Variants in PDXK observed in about 807,000 individuals in gnomAD.
PDXK encodes the protein epididymis secretory sperm binding protein Li 1a.
A neutral mutation model predicts 43.2 loss-of-function variants in PDXK; 15 were observed. That is an observed-to-expected ratio of 0.35 (90% CI 0.23 to 0.53). The LOEUF is 0.53. Among genes scored for constraint, PDXK ranks in the 20% least tolerant of loss-of-function variants. The pLI is 0.92. For synonymous variants in PDXK, 172 were observed against 165.4 expected, an observed-to-expected ratio of 1.04 and a Z score of -0.31; for missense variants, 343 against 417.0, an observed-to-expected ratio of 0.82 and a Z score of 1.54.
chr21:43,732,615 C>T lies in PDXK; in HGVS notation c.88-1454C>T. On this transcript the variant is annotated intron_variant, in intron 1 of 10. Transcript: ENST00000291565. This position sits in a 1 kb window ranked among gnomAD's most constrained non-coding sequence, Gnocchi z 4.1. Reference sequence around the variant, plus strand: ...TTGGCAGGATTTTCAGGATTTGTGTCATCGTTGCTTAATATCTGTTTCTTC... The same window carrying T: ...TTGGCAGGATTTTCAGGATTTGTGTTATCGTTGCTTAATATCTGTTTCTTC... 1 of 791,704 alleles carries T rather than the reference C, an allele frequency of 1.3e-6. No individual in the cohort carries two copies. The highest frequency in any genetic ancestry group is 2.3e-6 in the Non-Finnish European group (1 of 428,996). The allele number at this position is 791,704 out of a possible 1,614,324, so 49.0% of individuals were successfully genotyped here. A position where few individuals can be genotyped will look rare whatever the true frequency, so the allele number is the denominator to read the frequency against.
intron 7 of PDXK, among the ~76,000 whole-genome samples, chr21:43,750,837 CGTGTGTGTGTGCACATGTGCAT>C (rs1426554427): frequency 1.4e-5 from 2 of 146,060 alleles, no homozygotes; most frequent in African/African-American, 2.5e-5. Flanking sequence ...CATGTGTGCA[CGTGTGTGTGTGCACATGTGCAT>C]GTGCGTCTGT....
chr21:43,747,663 TGACCCTCGGCA>T (rs1019334805), intron 5 of PDXK, among the ~76,000 whole-genome samples: 26 of 152,356 alleles, frequency 1.7e-4, no homozygotes, highest in African/African-American at 5.5e-4. Context: ...TGGGCTCTGC[TGACCCTCGGCA>T]GACACTTGCG....
rs2083328896 is a variant in PDXK at position 43,732,297 on chromosome 21, GCTC to G, written c.88-1770_88-1768del. On this transcript the variant is annotated intron_variant, in intron 1 of 10. Transcript: ENST00000291565. This position sits in a 1 kb window ranked among gnomAD's most constrained non-coding sequence, Gnocchi z 4.1. ...GAGATACCTTTCTCTGGGGTCCCAG[GCTC>G]CCGTCCTGGACCTTGGCACCCCGCC... 2 of 1,577,852 alleles carry G rather than the reference GCTC, an allele frequency of 1.3e-6. No individual in the cohort carries two copies. Among genetic ancestry groups the G allele is most frequent in the Non-Finnish European group, 1.7e-6 (2 of 1,162,140 alleles).
In PDXK at chr21:43,737,592, C is replaced by T; in HGVS notation, c.142+3469C>T. The T allele has an allele frequency of 4.0e-6, 4 of 991,336 alleles. No homozygotes were observed. Among genetic ancestry groups the T allele is most frequent in the Non-Finnish European group, 3.6e-6 (3 of 833,384 alleles). 61.4% of individuals were successfully genotyped at this position (991,336 alleles called of 1,614,324 possible). On this transcript the variant is annotated intron_variant, in intron 2 of 10. Transcript: ENST00000291565. This position sits in a 1 kb window ranked among gnomAD's most constrained non-coding sequence, Gnocchi z 4.8. The stretch of plus-strand genomic sequence containing the variant: ...AGGGGATGGGACAGGTGCCCTGCTG[C>T]TGGGCTTGGTGGTCCCTGCTGCAGG...
At position 43,732,525 on chromosome 21, in the gene PDXK, G is replaced by T. The variant is rs758952228; in HGVS notation, c.88-1544G>T. On this transcript the variant is annotated intron_variant, in intron 1 of 10. Coordinates refer to ENST00000291565, the MANE Select transcript of PDXK (RefSeq NM_003681.5). The surrounding 1 kb of genome is among the most constrained non-coding windows in gnomAD (Gnocchi z 4.1). ...AGCAGAAAATAGCGACTTCATTCTC[G>T]GATACGTTTGCCAGCCCCAAAGGAT... 3.2e-6 allele frequency: 4 copies of T among 1,236,574 alleles called. No individual in the cohort carries two copies. Among genetic ancestry groups the T allele is most frequent in the Non-Finnish European group, 4.8e-6 (4 of 836,054 alleles). 76.6% of individuals were successfully genotyped at this position (1,236,574 alleles called of 1,614,324 possible).
At chr21:43,719,442 C>A in intron 1 of PDXK, 61 bp downstream of exon 1, 1 of 1,446,244 alleles carries the variant, frequency 6.9e-7, no homozygotes, top group Non-Finnish European at 9.3e-7. Flanking sequence ...GGCGGGGCTG[C>A]CCGAGACGAG....
rs1386410242 is a variant in PDXK, at chr21:43,760,041, CAG to C, written c.*3979_*3980del. On this transcript the variant is annotated 3_prime_UTR_variant, in exon 11 of 11. Transcript: ENST00000291565. ...CCGTCCCCACTCCGGACTCCCAGCA[CAG>C]GGGAGGATACCTGAGCCTGTATGGC... 1.4e-5 allele frequency: 2 copies of C among 145,084 alleles called. No homozygotes were observed. The highest frequency in any genetic ancestry group is 1.9e-4 in the East Asian group (1 of 5,184). The allele number at this position is 145,084 out of a possible 1,614,324, so 9.0% of individuals were successfully genotyped here.
At chr21:43,739,904 A>G (rs931800529) in intron 2 of PDXK, among the ~76,000 whole-genome samples, 1 of 150,918 alleles carries the variant, frequency 6.6e-6, no homozygotes, top group Non-Finnish European at 1.5e-5. Context: ...CTTACCCCAA[A>G]CCCCGCCCCA....
chr21:43,724,600 AGGAGGCCGAGATGG>A (rs2083235486), intron 1 of PDXK, among the ~76,000 whole-genome samples: 1 of 150,906 alleles, frequency 6.6e-6, no homozygotes, highest in African/African-American at 2.5e-5. Context: ...CCAGTACTTT[AGGAGGCCGAGATGG>A]GGGGATCACT....
intron 5 of PDXK, 94 bp from the exon 6 acceptor site, chr21:43,748,901 G>C: frequency 2.7e-6 from 2 of 741,788 alleles, no homozygotes; most frequent in East Asian, 5.0e-5. Flanking sequence ...GGGGGCTTTT[G>C]GGGGAGCACT....
At chr21:43,741,895 C>T (rs2083540403) in intron 3 of PDXK, 124 bp downstream of exon 3, 1 of 685,486 alleles carries the variant, frequency 1.5e-6, no homozygotes, top group Non-Finnish European at 2.6e-6. Flanking sequence ...CAAGGAGGGC[C>T]TTGGCGTGCC....
At position 43,748,904 on chromosome 21, in the gene PDXK, G is replaced by A. The variant is rs1462526503; in HGVS notation, c.379-91G>A. 1.5e-5 allele frequency: 11 copies of A among 758,306 alleles called. No individual in the cohort carries two copies. In the East Asian group the frequency reaches 2.5e-4, roughly 17 times the overall value. 47.0% of individuals were successfully genotyped at this position (758,306 alleles called of 1,614,324 possible). ...GCCTGGACTTCAGGGGGCTTTTGGG[G>A]GAGCACTCCGTGGTGGGCTTCCCTC... On this transcript the variant is annotated intron_variant, in intron 5 of 10. Transcript: ENST00000291565.
Position 43,732,158 on chromosome 21 carries a change from G to C in PDXK, c.88-1911G>C, listed in dbSNP as rs375297628. 59 of 1,395,276 alleles carry C rather than the reference G, an allele frequency of 4.2e-5. No individual in the cohort carries two copies. In the East Asian group the frequency reaches 4.5e-4, roughly 11 times the overall value. The allele number at this position is 1,395,276 out of a possible 1,614,324, so 86.4% of individuals were successfully genotyped here. On this transcript the variant is annotated intron_variant, in intron 1 of 10. Transcript: ENST00000291565. This position sits in a 1 kb window ranked among gnomAD's most constrained non-coding sequence, Gnocchi z 4.1. ...TCGCAGGCTTCAGTTTCACATTCTTGGTACCTCCTGGTGGTGCCTGGGAGG... is the reference window on the plus strand; with the variant it reads ...TCGCAGGCTTCAGTTTCACATTCTTCGTACCTCCTGGTGGTGCCTGGGAGG...
At position 43,752,514 on chromosome 21, in the gene PDXK, C is replaced by T. The variant is rs1275886402; in HGVS notation, c.511-4C>T. ...GTGGCTGACGCTCCCTGTGCCACTG[C>T]TAGGTGATGGACATGCTGCACTCTA... On this transcript the variant is annotated splice_polypyrimidine_tract_variant and splice_region_variant and intron_variant, in intron 7 of 10. Coordinates refer to ENST00000291565, the MANE Select transcript of PDXK (RefSeq NM_003681.5). 6.2e-7 allele frequency: 1 copy of T among 1,601,600 alleles called. No homozygotes were observed. Among genetic ancestry groups the T allele is most frequent in the Non-Finnish European group, 8.5e-7 (1 of 1,172,186 alleles).
intron 4 of PDXK, 37 bp from the exon 5 acceptor site, chr21:43,746,042 T>G (rs1241897604): frequency 6.5e-7 from 1 of 1,541,136 alleles, no homozygotes; most frequent in South Asian, 1.1e-5. Context: ...TCGTCAGCTG[T>G]AGCCTTTGCT....
chr21:43,719,533 C>T, intron 1 of PDXK, 152 bp downstream of exon 1: 1 of 1,343,360 alleles, frequency 7.4e-7, no homozygotes, highest in Non-Finnish European at 9.7e-7. Context: ...GGATGAGCCT[C>T]CCGCTCTGCT....
At position 43,734,910 on chromosome 21, in the gene PDXK, C is replaced by T. The variant is rs779536695; in HGVS notation, c.142+787C>T. ...CAGGCGGAACCTTGGGAGCACAGAA[C>T]GTCCCAGAAACAGCCTGGCAGAGCA... On this transcript the variant is annotated intron_variant, in intron 2 of 10. Transcript: ENST00000291565. The surrounding 1 kb of genome is among the most constrained non-coding windows in gnomAD (Gnocchi z 5.0). Among the ~76,000 whole-genome samples the T allele has an allele frequency of 1.8e-4, 27 of 152,208 alleles. No individual in the cohort carries two copies. Among genetic ancestry groups the T allele is most frequent in the Non-Finnish European group, 3.1e-4 (21 of 68,048 alleles).
rs566445898 is a variant in PDXK, at chr21:43,750,545, G to A, written c.510G>A (p.Arg170=). 103 of 1,612,714 alleles carry A rather than the reference G, an allele frequency of 6.4e-5. 1 individual carries two copies. Among genetic ancestry groups the A allele is most frequent in the East Asian group, 2.0e-4 (9 of 44,870 alleles). ...TCCACAGCCAGGAGGAAGCCTTGCG[G>A]GTAAGGAGGCCCTCTGGGGCCTGTG... is the stretch of plus-strand genomic sequence containing the variant. ...RKIHSQEEAL[R]VMDMLHSMGP... is the part of the protein sequence containing the mutation. The change falls in exon 7 of 11, where the codon CGG becomes CGA. Residue 170 remains arginine, a splice_region_variant and synonymous_variant. Transcript: ENST00000291565.
intron 5 of PDXK, chr21:43,748,614 GC>G (rs1320563800): frequency 5.5e-6 from 1 of 180,888 alleles, no homozygotes; most frequent in Non-Finnish European, 1.2e-5. Flanking sequence ...GATGGACATG[GC>G]CAGCACCCCC....
Sources: allele counts gnomAD v4.1 joint callset (sites outside exome capture counted in the v4.1 genomes callset), GRCh38; gene constraint gnomAD v4.1.1; non-coding constraint Gnocchi (gnomAD v3.1); transcripts MANE v1.5; gene names NCBI Gene and HGNC (gene_info 2026-07-23, HGNC 2026-07-21).